The following ADAMTS17 variants were observed in gnomAD, a reference collection of about 807,000 sequenced individuals.
ADAMTS17 encodes ADAM metallopeptidase with thrombospondin type 1 motif 17, also known as A disintegrin and metalloproteinase with thrombospondin motifs 17.
In ADAMTS17, 113 loss-of-function variants were observed where a neutral mutation model predicts 141.5. That is an observed-to-expected ratio of 0.80 (90% CI 0.69 to 0.93). The LOEUF (loss-of-function observed/expected upper bound fraction) is 0.93. Among genes scored for constraint, ADAMTS17 ranks in the 40% least tolerant of loss-of-function variants. The pLI, the probability that ADAMTS17 is intolerant of heterozygous loss-of-function variation, is 0.00. For synonymous variants in ADAMTS17, 768 were observed against 630.6 expected (o/e 1.22, Z -3.27); for missense variants, 1,659 against 1,517.9 (o/e 1.09, Z -1.54).
In ADAMTS17 at chr15:100,155,284, G is replaced by T. The variant is rs144918276; in HGVS notation, c.1218C>A (p.Cys406Ter). Residue 406 changes from cysteine to a stop codon, truncating the protein, a stop_gained, in exon 9 of 22, where the codon TGC becomes TGA. Coordinates refer to ENST00000268070, the MANE Select transcript of ADAMTS17 (RefSeq NM_139057.4). LOFTEE classifies it high-confidence loss of function. ...GMNHDDDHSS[C>*]AGRSHIMSGE... ...CTGACATGATGTGGGACCTGCCAGC[G>T]CAAGATGAGTGGTCATCGTCGTGGT... 1.2e-6 allele frequency: 2 copies of T among 1,613,992 alleles called. No individual in the cohort carries two copies. The highest frequency in any genetic ancestry group is 8.5e-7 in the Non-Finnish European group (1 of 1,179,996).
intron 7 of ADAMTS17, among the ~76,000 whole-genome samples, chr15:100,253,438 AG>A (rs1178545310): frequency 7.5e-5 from 1 of 13,252 alleles, no homozygotes; most frequent in African/African-American, 4.0e-4. Flanking sequence ...AGGGGAAGGT[AG>A]AGGGGGAGGG....
At chr15:100,255,661 T>C (rs896697943) in intron 6 of ADAMTS17, among the ~76,000 whole-genome samples, 1 of 71,508 alleles carries the variant, frequency 1.4e-5, no homozygotes, top group African/African-American at 5.1e-5. Flanking sequence ...AGGACCTTGC[T>C]CCAGGGTTTC....
At chr15:100,335,033 T>G (rs1480336725) in intron 2 of ADAMTS17, among the ~76,000 whole-genome samples, 1 of 151,990 alleles carries the variant, frequency 6.6e-6, no homozygotes, top group Non-Finnish European at 1.5e-5. Flanking sequence ...CCATCGCCTC[T>G]CAGCCAGTGA....
At chr15:100,339,712 C>CCT (rs1242625338) in intron 2 of ADAMTS17, among the ~76,000 whole-genome samples, 1 of 151,768 alleles carries the variant, frequency 6.6e-6, no homozygotes, top group Admixed American at 6.6e-5. Flanking sequence ...TACCAGGCCC[C>CCT]CTCCAAGGGT....
intron 10 of ADAMTS17, among the ~76,000 whole-genome samples, chr15:100,136,954 G>A (rs1366464153): frequency 1.3e-5 from 2 of 152,218 alleles, no homozygotes; most frequent in African/African-American, 4.8e-5. Context: ...CTCTCTACAG[G>A]CACTGGAGTG....
At chr15:100,276,944 C>A (rs1432925496) in intron 4 of ADAMTS17, among the ~76,000 whole-genome samples, 2 of 152,122 alleles carry the variant, frequency 1.3e-5, no homozygotes, top group East Asian at 3.9e-4. Flanking sequence ...GGTGTCATCT[C>A]TGAACGGAAC....
intron 15 of ADAMTS17, among the ~76,000 whole-genome samples, chr15:100,066,209 ATACT>A (rs1191380006): frequency 1.3e-5 from 2 of 152,150 alleles, no homozygotes; most frequent in Non-Finnish European, 1.5e-5. Context: ...CTCTTTTTGA[ATACT>A]TAGTGTGCTA....
At chr15:100,174,271 A>G (rs1410945056) in intron 8 of ADAMTS17, among the ~76,000 whole-genome samples, 2 of 152,142 alleles carry the variant, frequency 1.3e-5, no homozygotes, top group East Asian at 3.8e-4. Context: ...AGAGGAGGGC[A>G]ATAGTGTTGG....
intron 12 of ADAMTS17, among the ~76,000 whole-genome samples, chr15:100,124,616 G>A (rs1272783468): frequency 6.6e-6 from 1 of 152,240 alleles, no homozygotes; most frequent in Non-Finnish European, 1.5e-5. Flanking sequence ...CCCTCCTACT[G>A]TACTGACATA....
chr15:100,111,716 G>A (rs138795937), intron 13 of ADAMTS17, among the ~76,000 whole-genome samples: 1 of 152,378 alleles, frequency 6.6e-6, no homozygotes. Context: ...TTGCTCAACA[G>A]CTGCAGTAGT....
chr15:100,149,135 C>G (rs2039046059), intron 10 of ADAMTS17, among the ~76,000 whole-genome samples: 1 of 152,230 alleles, frequency 6.6e-6, no homozygotes, highest in South Asian at 2.1e-4. Flanking sequence ...ACAACACAGT[C>G]CTACAAAAGC....
At chr15:100,190,818 A>G (rs754193073) in intron 8 of ADAMTS17, among the ~76,000 whole-genome samples, 176 of 152,310 alleles carry the variant, frequency 1.2e-3, no homozygotes, top group Non-Finnish European at 1.8e-3. Context: ...TTTTCAAGTA[A>G]AGGTGAAGTG....
At chr15:100,268,194 T>C (rs2043786835) in intron 4 of ADAMTS17, among the ~76,000 whole-genome samples, 1 of 152,210 alleles carries the variant, frequency 6.6e-6, no homozygotes, top group African/African-American at 2.4e-5. Flanking sequence ...TTTATCTAGT[T>C]TACCACTGAT....
chr15:100,285,709 T>C lies in ADAMTS17; in HGVS notation c.617-4308A>G, dbSNP rs79913658. ...GAGATCCCATGACCCGCACGAATGC[T>C]TGAGCCGGCAGGGAGAGCTGCTGAG... On this transcript the variant is annotated intron_variant, in intron 3 of 21. Transcript: ENST00000268070. 7.2e-3 allele frequency among the ~76,000 whole-genome samples: 1,090 copies of C among 152,316 alleles called. 14 individuals carry two copies. Among genetic ancestry groups the C allele is most frequent in the African/African-American group, 0.025 (1,032 of 41,568 alleles).
intron 3 of ADAMTS17, among the ~76,000 whole-genome samples, chr15:100,325,461 G>T (rs2045870555): frequency 6.6e-6 from 1 of 152,196 alleles, no homozygotes; most frequent in Admixed American, 6.5e-5. Flanking sequence ...GACACAGGGA[G>T]AGGACGGCCA....
intron 7 of ADAMTS17, among the ~76,000 whole-genome samples, chr15:100,232,542 G>T (rs147831684): frequency 2.4e-4 from 37 of 152,360 alleles, no homozygotes; most frequent in African/African-American, 7.7e-4. Context: ...CTGGTGGGAC[G>T]TAGATGCCCA....
chr15:100,123,587 A>G (rs1376622777), intron 12 of ADAMTS17, among the ~76,000 whole-genome samples: 1 of 152,232 alleles, frequency 6.6e-6, no homozygotes, highest in Non-Finnish European at 1.5e-5. Context: ...GCACTTTCAC[A>G]TAAACAGTGA....
At chr15:100,199,803 G>A (rs182200616) in intron 7 of ADAMTS17, among the ~76,000 whole-genome samples, 46 of 152,270 alleles carry the variant, frequency 3.0e-4, no homozygotes, top group Middle Eastern at 3.4e-3. Flanking sequence ...TAACTTCAGC[G>A]CCTAGGGCTG....
At chr15:100,024,781 A>C (rs2061473917) in intron 18 of ADAMTS17, among the ~76,000 whole-genome samples, 1 of 152,194 alleles carries the variant, frequency 6.6e-6, no homozygotes, top group Non-Finnish European at 1.5e-5. Context: ...AGCAGTGTCC[A>C]GGCTACAGTC....
Sources: gnomAD v4.1 joint callset for allele counts (sites outside exome capture counted in the v4.1 genomes callset) on GRCh38, gnomAD v4.1.1 for gene constraint, MANE v1.5 for transcripts, NCBI Gene and HGNC (gene_info 2026-07-23, HGNC 2026-07-21) for gene names.